The following PHACTR3 variants were observed in gnomAD, a reference collection of about 807,000 sequenced individuals.
PHACTR3 encodes protein phosphatase 1, regulatory subunit 123.
Under a neutral mutation model 66.8 loss-of-function variants are expected in PHACTR3, and 16 were observed. The ratio of observed to expected loss-of-function variants is 0.24; its 90% CI spans 0.16 to 0.36. The LOEUF is 0.36. PHACTR3 is among the 10% of genes least tolerant of loss of function. The pLI is 1.00. For synonymous variants in PHACTR3, 323 were observed against 292.1 expected (o/e 1.11, Z -1.08); for missense variants, 647 against 719.9 (o/e 0.90, Z 1.16).
intron 1 of PHACTR3, among the ~76,000 whole-genome samples, chr20:59,674,750 GGTT>G (rs1568697860): frequency 5.4e-3 from 127 of 23,400 alleles, no homozygotes; most frequent in African/African-American, 8.6e-3. Flanking sequence ...CCCCTTCTCT[GGTT>G]CCCTCCTTCT....
At chr20:59,739,348 C>T (rs1429938764) in intron 1 of PHACTR3, among the ~76,000 whole-genome samples, 2 of 152,132 alleles carry the variant, frequency 1.3e-5, no homozygotes, top group African/African-American at 2.4e-5. Context: ...TTGTATTAGT[C>T]CGTTTTCATA....
chr20:59,630,429 C>T lies in PHACTR3; in HGVS notation c.118+25297C>T, dbSNP rs372851846. ...AACTCCTAACCTCAGGTGATCCGCC[C>T]GCCTAGGCCTCCCAAAGTGCTGGGA... On this transcript the variant is annotated intron_variant, in intron 1 of 12. Coordinates refer to ENST00000371015, the MANE Select transcript of PHACTR3 (RefSeq NM_080672.5). Among the ~76,000 whole-genome samples, 430 of 152,280 alleles carry T rather than the reference C, an allele frequency of 2.8e-3. 3 individuals are homozygous for T. Among genetic ancestry groups the T allele is most frequent in the Non-Finnish European group, 2.8e-3 (190 of 68,020 alleles).
intron 11 of PHACTR3, 109 bp downstream of exon 11, chr20:59,841,644 G>C (rs974288082): frequency 5.0e-5 from 57 of 1,132,654 alleles, no homozygotes; most frequent in Non-Finnish European, 6.3e-5. Context: ...ACTATTTAAG[G>C]GTATACTGCA....
chr20:59,755,490 T>A, intron 4 of PHACTR3, 126 bp downstream of exon 4: 2 of 1,112,466 alleles, frequency 1.8e-6, no homozygotes, highest in Non-Finnish European at 2.5e-6. Flanking sequence ...GCTGGGCCCG[T>A]GCTCTAAGCG....
At chr20:59,804,455 T>G (rs1568838106) in intron 7 of PHACTR3, among the ~76,000 whole-genome samples, 1 of 152,258 alleles carries the variant, frequency 6.6e-6, no homozygotes, top group Non-Finnish European at 1.5e-5. Flanking sequence ...CATAGTTCTC[T>G]GAAAATGGCA....
rs182312955 is a variant in PHACTR3, at chr20:59,702,698, G to T, written c.119-40409G>T. On this transcript the variant is annotated intron_variant, in intron 1 of 12. Coordinates refer to ENST00000371015, the MANE Select transcript of PHACTR3 (RefSeq NM_080672.5). ...GTGCCTGGGGCCTCACAGAATATTT[G>T]CTGGATAAGTAAGTGATGGATTGAT... Among the ~76,000 whole-genome samples the T allele has an allele frequency of 2.2e-4, 33 of 152,320 alleles. No individual in the cohort carries two copies. The East Asian group carries it at 4.1e-3, about 19-fold the overall frequency.
intron 7 of PHACTR3, among the ~76,000 whole-genome samples, chr20:59,779,773 C>T (rs748255486): frequency 3.3e-4 from 51 of 152,334 alleles, no homozygotes; most frequent in Non-Finnish European, 6.5e-4. Context: ...GGTGGAGGCC[C>T]TATGCCCACA....
intron 1 of PHACTR3, among the ~76,000 whole-genome samples, chr20:59,692,308 T>G (rs1010025098): frequency 6.6e-6 from 1 of 152,216 alleles, no homozygotes; most frequent in Non-Finnish European, 1.5e-5. Context: ...GTGACAACCT[T>G]GAAGGTCACC....
At chr20:59,831,275 C>T (rs1419385617) in intron 8 of PHACTR3, among the ~76,000 whole-genome samples, 2 of 152,208 alleles carry the variant, frequency 1.3e-5, no homozygotes, top group Non-Finnish European at 2.9e-5. Flanking sequence ...ATTCCAGGGC[C>T]TGCCCAGCCT....
intron 1 of PHACTR3, among the ~76,000 whole-genome samples, chr20:59,689,167 G>T (rs948914180): frequency 2.6e-5 from 4 of 152,336 alleles, no homozygotes; most frequent in African/African-American, 9.6e-5. Context: ...GGATTTGCAG[G>T]CGCTGAGGGC....
In PHACTR3 at chr20:59,736,452, C is replaced by T. The variant is rs567258405; in HGVS notation, c.119-6655C>T. Among the ~76,000 whole-genome samples, 146 of 152,226 alleles carry T rather than the reference C, an allele frequency of 9.6e-4. No homozygotes were observed. Among genetic ancestry groups the T allele is most frequent in the Admixed American group, 5.1e-3 (78 of 15,306 alleles). On this transcript the variant is annotated intron_variant, in intron 1 of 12. Transcript: ENST00000371015. The surrounding 1 kb of genome is among the most constrained non-coding windows in gnomAD (Gnocchi z 4.6). Reference sequence around the variant, plus strand: ...CAGGTGTGCATGGGCCACATGCACCCGCCCACAGATGGCATCCCACCCATG... The same window carrying T: ...CAGGTGTGCATGGGCCACATGCACCTGCCCACAGATGGCATCCCACCCATG...
chr20:59,752,937 GT>G (rs1486944232), intron 3 of PHACTR3, among the ~76,000 whole-genome samples: 1 of 152,152 alleles, frequency 6.6e-6, no homozygotes, highest in African/African-American at 2.4e-5. Context: ...TGCTGTCACG[GT>G]TGCACGTCAA....
intron 7 of PHACTR3, among the ~76,000 whole-genome samples, chr20:59,783,308 C>A (rs931632516): frequency 6.6e-6 from 1 of 152,120 alleles, no homozygotes; most frequent in Admixed American, 6.5e-5. Flanking sequence ...ACCTGGTGGG[C>A]GTCTTGCAGC....
At chr20:59,595,184 C>T (rs895057952) in intron 1 of PHACTR3, among the ~76,000 whole-genome samples, 5 of 152,122 alleles carry the variant, frequency 3.3e-5, no homozygotes, top group Middle Eastern at 3.4e-3. Flanking sequence ...GTTAATGTGC[C>T]GGGCGTGGTG....
intron 12 of PHACTR3, among the ~76,000 whole-genome samples, chr20:59,846,429 T>A (rs2059147530): frequency 1.3e-5 from 2 of 150,772 alleles, no homozygotes; most frequent in Non-Finnish European, 3.0e-5. Flanking sequence ...TGGGGAGGAA[T>A]AGGTCATATG....
intron 1 of PHACTR3, among the ~76,000 whole-genome samples, chr20:59,644,811 C>T (rs1036743672): frequency 2.0e-5 from 3 of 152,104 alleles, no homozygotes; most frequent in Non-Finnish European, 2.9e-5. Context: ...CCTACCTCAT[C>T]GCTACTCATT....
chr20:59,605,162 G>GC, intron 1 of PHACTR3, 30 bp downstream of exon 1: 6 of 923,112 alleles, frequency 6.5e-6, no homozygotes, highest in Non-Finnish European at 8.9e-6. Context: ...CGGCGGGCGG[G>GC]TCGGGGAGGC....
At chr20:59,591,177 C>T (rs181427815) in intron 1 of PHACTR3, among the ~76,000 whole-genome samples, 2 of 152,310 alleles carry the variant, frequency 1.3e-5, no homozygotes, top group African/African-American at 4.8e-5. Context: ...GCAATTTGCA[C>T]CAGCCCCAGC....
At chr20:59,710,519 C>A (rs2037876834) in intron 1 of PHACTR3, among the ~76,000 whole-genome samples, 1 of 152,132 alleles carries the variant, frequency 6.6e-6, no homozygotes, top group South Asian at 2.1e-4. Context: ...AAAAGGCAGG[C>A]ACACACTTTC....
Sources: gnomAD v4.1 joint callset for allele counts (sites outside exome capture counted in the v4.1 genomes callset) on GRCh38, gnomAD v4.1.1 for gene constraint, Gnocchi (gnomAD v3.1) non-coding constraint, MANE v1.5 for transcripts, NCBI Gene and HGNC (gene_info 2026-07-23, HGNC 2026-07-21) for gene names.